The following VPS13A variants were observed in gnomAD, a reference collection of about 807,000 sequenced individuals.
The protein encoded by VPS13A is vacuolar protein sorting 13 homolog A, also known as intermembrane lipid transfer protein VPS13A.
A neutral mutation model predicts 390.9 loss-of-function variants in VPS13A; 264 were observed. The ratio of observed to expected loss-of-function variants is 0.68; its 90% CI spans 0.61 to 0.75. The LOEUF (loss-of-function observed/expected upper bound fraction) is 0.75, where lower values mean the gene tolerates loss of function less well. VPS13A is among the 30% of genes least tolerant of loss of function. VPS13A has a pLI of 0.00. For synonymous variants in VPS13A, 1,231 were observed against 1,227.1 expected, an observed-to-expected ratio of 1.00 and a Z score of -0.07; for missense variants, 3,409 against 3,733.9, an observed-to-expected ratio of 0.91 and a Z score of 2.27.
In VPS13A at chr9:77,252,371, A is replaced by C. The variant is rs746783621; in HGVS notation, c.2288+19A>C. 1.9e-6 allele frequency: 3 copies of C among 1,576,942 alleles called. No homozygotes were observed. Among genetic ancestry groups the C allele is most frequent in the African/African-American group, 2.7e-5 (2 of 74,022 alleles). On this transcript the variant is annotated intron_variant, in intron 22 of 71. Transcript: ENST00000360280. ...TGCCCAAGTATGTACTGTTTGTTTC[A>C]TGTGAATATGGATTTTCTGGGTAAT...
At chr9:77,248,483 G>C (rs1308600878) in intron 20 of VPS13A, among the ~76,000 whole-genome samples, 1 of 152,014 alleles carries the variant, frequency 6.6e-6, no homozygotes, top group African/African-American at 2.4e-5. Context: ...CTCCCAAAGT[G>C]CTGGGATTAC....
rs148975154 is a variant in VPS13A, at chr9:77,365,144, A to G, written c.8212-316A>G. 4.5e-4 allele frequency among the ~76,000 whole-genome samples: 68 copies of G among 152,354 alleles called. No individual in the cohort carries two copies. In the East Asian group the frequency reaches 5.0e-3, roughly 11 times the overall value. On this transcript the variant is annotated intron_variant, in intron 59 of 71. Coordinates refer to ENST00000360280, the MANE Select transcript of VPS13A (RefSeq NM_033305.3). ...ACAAGTTGACTGTATGATTATGTTT[A>G]AAGAAACAAATATACCCAAGAGAGT...
intron 19 of VPS13A, among the ~76,000 whole-genome samples, chr9:77,240,787 C>T (rs1017676958): frequency 6.6e-6 from 1 of 152,006 alleles, no homozygotes; most frequent in Non-Finnish European, 1.5e-5. Context: ...ATTAGCTTGA[C>T]ATGATACTAC....
At chr9:77,209,964 A>T (rs778084175) in intron 6 of VPS13A, among the ~76,000 whole-genome samples, 2 of 151,788 alleles carry the variant, frequency 1.3e-5, no homozygotes, top group African/African-American at 2.4e-5. Context: ...TTTTTTAATA[A>T]TTTTTTTTGT....
At chr9:77,402,854 A>G (rs775399223) in intron 68 of VPS13A, among the ~76,000 whole-genome samples, 5 of 152,210 alleles carry the variant, frequency 3.3e-5, no homozygotes, top group African/African-American at 4.8e-5. Flanking sequence ...AATTTATGTG[A>G]TGCATATGTT....
chr9:77,193,133 G>C (rs1311621461), intron 1 of VPS13A, among the ~76,000 whole-genome samples: 2 of 151,686 alleles, frequency 1.3e-5, no homozygotes, highest in Non-Finnish European at 2.9e-5. Context: ...CTGTTCTGCT[G>C]TTAATACTTC....
At chr9:77,411,546 C>A (rs1420316364) in intron 71 of VPS13A, among the ~76,000 whole-genome samples, 5 of 151,092 alleles carry the variant, frequency 3.3e-5, no homozygotes, top group African/African-American at 1.2e-4. Flanking sequence ...GCCTGTAGTC[C>A]CAGCTACGCG....
At chr9:77,307,004 T>G (rs1285395965) in intron 34 of VPS13A, among the ~76,000 whole-genome samples, 1 of 151,830 alleles carries the variant, frequency 6.6e-6, no homozygotes, top group Non-Finnish European at 1.5e-5. Context: ...CTTCCCAGGT[T>G]CAAACAATTC....
chr9:77,373,835 C>A (rs1832928833), intron 67 of VPS13A, among the ~76,000 whole-genome samples: 1 of 151,948 alleles, frequency 6.6e-6, no homozygotes, highest in African/African-American at 2.4e-5. Context: ...AGGACATGAA[C>A]AGACACTTCT....
At chr9:77,406,042 A>G in intron 70 of VPS13A, 55 bp downstream of exon 70, 1 of 1,603,846 alleles carries the variant, frequency 6.2e-7, no homozygotes, top group Non-Finnish European at 8.5e-7. Flanking sequence ...AATGCTTTGA[A>G]GTAGTCCTTT....
chr9:77,234,688 C>G (rs1824032772), intron 17 of VPS13A, among the ~76,000 whole-genome samples: 1 of 152,046 alleles, frequency 6.6e-6, no homozygotes, highest in Non-Finnish European at 1.5e-5. Context: ...GCAAGAAGTT[C>G]TGCCATTTTG....
rs779215598 is a variant in VPS13A, at chr9:77,351,329, A to T, written c.7302A>T (p.Glu2434Asp). Reference protein sequence around the residue: ...LVQYNQSSLSEIEDSLPPGKA... With the variant: ...LVQYNQSSLSDIEDSLPPGKA... The stretch of plus-strand genomic sequence containing the variant: ...GCTACTGTGTCAGTTCTCTCAGTGA[A>T]ATAGAAGATTCCCTCCCTCCTGGTA... The change falls in exon 53 of 72, where the codon GAA (glutamate) becomes GAT (aspartate). Residue 2434 changes from glutamate to aspartate, a missense_variant. By Grantham distance (45) the Glu-to-Asp change is conservative. This residue lies in a region of VPS13A where 2,717 missense variants were observed against 2,917.4 expected (regional missense o/e 0.93). Transcript: ENST00000360280. 2.9e-5 allele frequency: 47 copies of T among 1,613,488 alleles called. No homozygotes were observed. The highest frequency in any genetic ancestry group is 1.6e-4 in the Middle Eastern group (1 of 6,080).
chr9:77,242,523 A>T (rs1272464641), intron 19 of VPS13A, among the ~76,000 whole-genome samples: 1 of 152,018 alleles, frequency 6.6e-6, no homozygotes, highest in Non-Finnish European at 1.5e-5. Context: ...ACCTCTAGAA[A>T]CTGTAGGGTT....
At chr9:77,404,719 C>G (rs946302287) in intron 69 of VPS13A, among the ~76,000 whole-genome samples, 1 of 152,160 alleles carries the variant, frequency 6.6e-6, no homozygotes, top group Non-Finnish European at 1.5e-5. Context: ...TTGAATAAAA[C>G]GTGATGGTTA....
At chr9:77,296,849 C>G (rs1828030137) in intron 33 of VPS13A, among the ~76,000 whole-genome samples, 1 of 151,960 alleles carries the variant, frequency 6.6e-6, no homozygotes, top group African/African-American at 2.4e-5. Flanking sequence ...AAATTTGGGG[C>G]TATTCAAGTT....
intron 1 of VPS13A, among the ~76,000 whole-genome samples, chr9:77,193,303 C>T (rs1375293239): frequency 6.6e-6 from 1 of 151,742 alleles, no homozygotes; most frequent in Non-Finnish European, 1.5e-5. Context: ...ATTTCGGTAT[C>T]TTCTGAGTTT....
rs1320204573 is a variant in VPS13A at position 77,420,198 on chromosome 9, G to A, written c.*4192G>A. 6.6e-6 allele frequency: 1 copy of A among 152,134 alleles called. No individual in the cohort carries two copies. The highest frequency in any genetic ancestry group is 2.4e-5 in the African/African-American group (1 of 41,430). 9.4% of individuals were successfully genotyped at this position (152,134 alleles called of 1,614,324 possible). On this transcript the variant is annotated 3_prime_UTR_variant, in exon 72 of 72. Coordinates refer to ENST00000360280, the MANE Select transcript of VPS13A (RefSeq NM_033305.3). ...GTTAAAATTTTGATTCTTGTAATCT[G>A]TACTGTCAATTTTTGGCCACTCTGG...
At chr9:77,217,097 A>G (rs964209959) in intron 10 of VPS13A, among the ~76,000 whole-genome samples, 20 of 152,206 alleles carry the variant, frequency 1.3e-4, no homozygotes, top group African/African-American at 4.6e-4. Context: ...TTGACAGTCA[A>G]TATTAACCAT....
At position 77,411,035 on chromosome 9, in the gene VPS13A, G is replaced by GA. The variant is rs1207083575; in HGVS notation, c.9474+3430dup. On this transcript the variant is annotated intron_variant, in intron 71 of 71. Coordinates refer to ENST00000360280, the MANE Select transcript of VPS13A (RefSeq NM_033305.3). ...TATTCCAAAATTGACCACTTAGTTG[G>GA]AAGTAAAGCACTCCTCAGCAAATGT... is the stretch of plus-strand genomic sequence containing the variant. Among the ~76,000 whole-genome samples the GA allele has an allele frequency of 6.6e-5, 10 of 152,204 alleles. No individual in the cohort carries two copies. The East Asian group carries it at 1.9e-3, about 29-fold the overall frequency.
Sources: gnomAD v4.1 joint callset for allele counts (sites outside exome capture counted in the v4.1 genomes callset) on GRCh38, gnomAD v4.1.1 for gene constraint, gnomAD v4.1.1 regional missense constraint, MANE v1.5 for transcripts, NCBI Gene and HGNC (gene_info 2026-07-23, HGNC 2026-07-21) for gene names.